Variants in NELL1 observed in about 807,000 individuals in gnomAD.
The protein encoded by NELL1 is protein kinase C-binding protein NELL1.
A neutral mutation model predicts 107.4 loss-of-function variants in NELL1; 76 were observed. The observed-to-expected ratio is 0.71, with a 90% confidence interval of 0.59 to 0.86. NELL1 has a LOEUF of 0.86. NELL1 is among the 40% of genes least tolerant of loss of function. The pLI, the probability that NELL1 is intolerant of heterozygous loss-of-function variation, is 0.00. For missense variants in NELL1, 1,024 were observed against 1,005.5 expected, an observed-to-expected ratio of 1.02 and a Z score of -0.25; for synonymous variants, 353 against 341.2, an observed-to-expected ratio of 1.03 and a Z score of -0.38.
In NELL1 at chr11:21,171,187, G is replaced by T. The variant is rs957022752; in HGVS notation, c.1426+57473G>T. Among the ~76,000 whole-genome samples the T allele has an allele frequency of 7.9e-5, 12 of 151,298 alleles. 2 individuals are homozygous for T. The highest frequency in any genetic ancestry group is 3.0e-4 in the African/African-American group (12 of 40,674). On this transcript the variant is annotated intron_variant, in intron 13 of 19. Coordinates refer to ENST00000357134, the MANE Select transcript of NELL1 (RefSeq NM_006157.5). Reference sequence around the variant, plus strand: ...ATGATTTCACTAAACTTTGATATCAGTTCCTGTAGAACTCCTAACAAAGGG... The same window carrying T: ...ATGATTTCACTAAACTTTGATATCATTTCCTGTAGAACTCCTAACAAAGGG...
intron 14 of NELL1, among the ~76,000 whole-genome samples, chr11:21,362,597 C>T (rs1425319886): frequency 6.7e-6 from 1 of 149,826 alleles, no homozygotes; most frequent in African/African-American, 2.5e-5. Context: ...TCCTGAATTG[C>T]TATAATGGAG....
Position 21,227,108 on chromosome 11 carries a change from T to C in NELL1, c.1427-2224T>C, listed in dbSNP as rs77685399. ...ATACTTAAGTCTGCGTGAGCAACTC[T>C]AATTGAGAAACCTTGATCATTTGTG... On this transcript the variant is annotated intron_variant, in intron 13 of 19. Transcript: ENST00000357134. Among the ~76,000 whole-genome samples, 1,307 of 152,332 alleles carry C rather than the reference T, an allele frequency of 8.6e-3. 18 individuals carry two copies. Among genetic ancestry groups the C allele is most frequent in the African/African-American group, 0.029 (1,194 of 41,588 alleles).
intron 1 of NELL1, among the ~76,000 whole-genome samples, chr11:20,676,416 C>T (rs1027803417): frequency 6.6e-6 from 1 of 151,980 alleles, no homozygotes; most frequent in African/African-American, 2.4e-5. Flanking sequence ...CTCAGTAATA[C>T]CTGTTGAAAA....
At chr11:21,133,725 G>A (rs1425248834) in intron 13 of NELL1, among the ~76,000 whole-genome samples, 4 of 151,698 alleles carry the variant, frequency 2.6e-5, no homozygotes. Context: ...AGTTGTTGGG[G>A]GATGGGGCTT....
intron 12 of NELL1, among the ~76,000 whole-genome samples, chr11:21,095,999 T>A (rs1854632916): frequency 6.6e-6 from 1 of 152,058 alleles, no homozygotes; most frequent in African/African-American, 2.4e-5. Context: ...TAAGACTTAT[T>A]CACTGTCATG....
intron 13 of NELL1, among the ~76,000 whole-genome samples, chr11:21,220,951 C>A (rs139816750): frequency 6.6e-6 from 1 of 152,128 alleles, no homozygotes. Context: ...TGTTCTAGTT[C>A]TTAGGGAAAA....
intron 15 of NELL1, among the ~76,000 whole-genome samples, chr11:21,443,403 A>G (rs2133848814): frequency 6.6e-6 from 1 of 152,304 alleles, no homozygotes; most frequent in Non-Finnish European, 1.5e-5. Flanking sequence ...TGCACTGACT[A>G]TAAGTTAAGT....
At chr11:20,803,331 G>C (rs977925721) in intron 3 of NELL1, among the ~76,000 whole-genome samples, 2 of 151,918 alleles carry the variant, frequency 1.3e-5, no homozygotes, top group African/African-American at 4.8e-5. Flanking sequence ...ATTTCTTCTA[G>C]GTGTTCAAAT....
chr11:21,304,124 T>A (rs1245909228), intron 14 of NELL1, among the ~76,000 whole-genome samples: 1 of 151,998 alleles, frequency 6.6e-6, no homozygotes, highest in Admixed American at 6.6e-5. Context: ...ACATGCTCAT[T>A]TAATTTTAAT....
chr11:21,139,893 A>G (rs1000650308), intron 13 of NELL1, among the ~76,000 whole-genome samples: 1 of 152,152 alleles, frequency 6.6e-6, no homozygotes, highest in African/African-American at 2.4e-5. Context: ...CAAGGACCTG[A>G]GACCTTTCCT....
At chr11:21,204,104 C>T (rs1036643165) in intron 13 of NELL1, among the ~76,000 whole-genome samples, 4 of 152,014 alleles carry the variant, frequency 2.6e-5, no homozygotes, top group South Asian at 2.1e-4. Context: ...TTGCTCTTCT[C>T]GAAGAGTATT....
At chr11:20,983,233 C>A (rs553408121) in intron 12 of NELL1, among the ~76,000 whole-genome samples, 1 of 152,268 alleles carries the variant, frequency 6.6e-6, no homozygotes, top group South Asian at 2.1e-4. Flanking sequence ...TGTGATATGT[C>A]ACTCTGGAAT....
chr11:21,356,131 C>T (rs1056253436), intron 14 of NELL1, among the ~76,000 whole-genome samples: 3 of 152,124 alleles, frequency 2.0e-5, no homozygotes, highest in African/African-American at 7.2e-5. Context: ...ATCTAATATC[C>T]TATGTCTCAC....
At chr11:21,112,117 G>A (rs1279696161) in intron 12 of NELL1, among the ~76,000 whole-genome samples, 3 of 152,032 alleles carry the variant, frequency 2.0e-5, no homozygotes, top group Admixed American at 6.6e-5. Context: ...TGGTTGGCCT[G>A]CAGGAAGTTG....
chr11:20,702,201 GT>G (rs925000573), intron 2 of NELL1, among the ~76,000 whole-genome samples: 14 of 152,220 alleles, frequency 9.2e-5, no homozygotes, highest in African/African-American at 3.1e-4. Flanking sequence ...GTGGTTTGTA[GT>G]CCTCCTTGAA....
chr11:20,795,520 G>T (rs1358001645), intron 3 of NELL1, among the ~76,000 whole-genome samples: 1 of 152,174 alleles, frequency 6.6e-6, no homozygotes, highest in Non-Finnish European at 1.5e-5. Flanking sequence ...ATTCAAATGT[G>T]TTAATATAGA....
At chr11:21,422,973 A>G (rs1404994869) in intron 15 of NELL1, among the ~76,000 whole-genome samples, 3 of 152,196 alleles carry the variant, frequency 2.0e-5, no homozygotes, top group Admixed American at 2.0e-4. Context: ...AAGATAGGTT[A>G]AAAGTGAAAA....
At chr11:20,894,211 G>A (rs911571723) in intron 5 of NELL1, among the ~76,000 whole-genome samples, 4 of 152,158 alleles carry the variant, frequency 2.6e-5, no homozygotes, top group African/African-American at 4.8e-5. Flanking sequence ...TTATGACCTC[G>A]ATGTAGGAAA....
chr11:21,335,390 T>C (rs1243360820), intron 14 of NELL1, among the ~76,000 whole-genome samples: 1 of 152,098 alleles, frequency 6.6e-6, no homozygotes, highest in Non-Finnish European at 1.5e-5. Context: ...AGTTTTTTCT[T>C]ATCCTATTTT....
Sources: allele counts gnomAD v4.1 joint callset (sites outside exome capture counted in the v4.1 genomes callset), GRCh38; gene constraint gnomAD v4.1.1; transcripts MANE v1.5; gene names NCBI Gene and HGNC (gene_info 2026-07-23, HGNC 2026-07-21).